The following DBNL variants were observed in gnomAD, a reference collection of about 807,000 sequenced individuals.
DBNL encodes the protein drebrin like.
In DBNL, 35 loss-of-function variants were observed where a neutral mutation model predicts 62.2. The ratio of observed to expected loss-of-function variants is 0.56; its 90% CI spans 0.43 to 0.75. The LOEUF (loss-of-function observed/expected upper bound fraction) is 0.75. DBNL is among the 30% of genes least tolerant of loss of function. The pLI, the probability that DBNL is intolerant of heterozygous loss-of-function variation, is 0.00. For missense variants in DBNL, 495 were observed against 578.4 expected, an observed-to-expected ratio of 0.86 and a Z score of 1.48; for synonymous variants, 197 against 218.0, an observed-to-expected ratio of 0.90 and a Z score of 0.85.
intron 7 of DBNL, 30 bp downstream of exon 7, chr7:44,058,310 G>T (rs756665569): frequency 1.9e-6 from 3 of 1,580,550 alleles, no homozygotes; most frequent in Non-Finnish European, 8.6e-7. Flanking sequence ...TGGCCTGGGG[G>T]ACCCACCCTG....
chr7:44,044,827 G>A lies in DBNL; in HGVS notation c.83+7G>A, dbSNP rs1447379705. ...AGAAGTCCCCGACCGACTGGTGGGC[G>A]GCGAGACGGGCCAGGGTCGGGCCAG... is the stretch of plus-strand genomic sequence containing the variant. On this transcript the variant is annotated splice_region_variant and intron_variant, in intron 1 of 12. Coordinates refer to ENST00000448521, the MANE Select transcript of DBNL (RefSeq NM_001014436.3). The A allele has an allele frequency of 4.8e-6, 7 of 1,468,218 alleles. No individual in the cohort carries two copies. The highest frequency in any genetic ancestry group is 6.3e-6 in the Non-Finnish European group (7 of 1,108,230). The allele number at this position is 1,468,218 out of a possible 1,614,324, so 90.9% of individuals were successfully genotyped here.
In DBNL at chr7:44,067,749, G is replaced by C. The variant is rs1015205829; in HGVS notation, c.*6833G>C. On this transcript the variant is annotated 3_prime_UTR_variant, in exon 13 of 13. Transcript: ENST00000448521. Reference sequence around the variant, plus strand: ...TCAACAAGGTGGTCCCAGGAAGGTGGAGGGAGCATCTTCCCATGTCTCTCC... The same window carrying C: ...TCAACAAGGTGGTCCCAGGAAGGTGCAGGGAGCATCTTCCCATGTCTCTCC... 6.6e-6 allele frequency: 1 copy of C among 152,252 alleles called. No individual in the cohort carries two copies. The highest frequency in any genetic ancestry group is 1.5e-5 in the Non-Finnish European group (1 of 68,074). 9.4% of individuals were successfully genotyped at this position (152,252 alleles called of 1,614,324 possible).
Position 44,058,239 on chromosome 7 carries a change from G to T in DBNL, c.663G>T (p.Glu221Asp), listed in dbSNP as rs749568803. The part of the protein sequence containing the change: ...ERELREAARR[E>D]QRYQEQGGEA... Reference sequence around the variant, plus strand: ...AGCTGCGTGAGGCTGCACGCCGGGAGCAGCGCTATCAGGAGCAGGGTGGCG... The same window carrying T: ...AGCTGCGTGAGGCTGCACGCCGGGATCAGCGCTATCAGGAGCAGGGTGGCG... The change falls in exon 7 of 13, where the codon GAG becomes GAT. Residue 221 changes from glutamate (E) to aspartate (D), a missense_variant. Transcript: ENST00000448521. 1 of 1,578,908 alleles carries T rather than the reference G, an allele frequency of 6.3e-7. No homozygotes were observed. The highest frequency in any genetic ancestry group is 8.6e-7 in the Non-Finnish European group (1 of 1,163,894).
At position 44,064,750 on chromosome 7, in the gene DBNL, G is replaced by T; in HGVS notation, c.*3834G>T. The T allele has an allele frequency of 1.6e-6, 2 of 1,238,540 alleles. No individual in the cohort carries two copies. Among genetic ancestry groups the T allele is most frequent in the Non-Finnish European group, 2.3e-6 (2 of 876,334 alleles). 76.7% of individuals were successfully genotyped at this position (1,238,540 alleles called of 1,614,324 possible). A position where few individuals can be genotyped will look rare whatever the true frequency, so the allele number is the denominator to read the frequency against. On this transcript the variant is annotated 3_prime_UTR_variant, in exon 13 of 13. Coordinates refer to ENST00000448521, the MANE Select transcript of DBNL (RefSeq NM_001014436.3). Reference sequence around the variant, plus strand: ...CCCACGCCTAGAAAGCCTGGTCCATGGGCGAGAGACTTTGCTGAGATGAGA... The same window carrying T: ...CCCACGCCTAGAAAGCCTGGTCCATTGGCGAGAGACTTTGCTGAGATGAGA...
intron 5 of DBNL, 23 bp downstream of exon 5, chr7:44,056,926 C>T (rs747858475): frequency 6.2e-7 from 1 of 1,612,682 alleles, no homozygotes; most frequent in Middle Eastern, 1.8e-4. Context: ...TGCCCATCGC[C>T]AGCCCTTTTG....
chr7:44,055,360 C>G (rs533787824), intron 4 of DBNL, among the ~76,000 whole-genome samples: 1 of 152,244 alleles, frequency 6.6e-6, no homozygotes, highest in African/African-American at 2.4e-5. Flanking sequence ...CCCAGCTACT[C>G]AGGAAGCTGA....
Position 44,052,254 on chromosome 7 carries a change from G to A in DBNL, c.252+312G>A, listed in dbSNP as rs2096127890. Among the ~76,000 whole-genome samples the A allele has an allele frequency of 2.0e-5, 3 of 152,076 alleles. No homozygotes were observed. The South Asian group carries it at 6.2e-4, about 32-fold the overall frequency. On this transcript the variant is annotated intron_variant, in intron 3 of 12. Transcript: ENST00000448521. ...TTCTGATGGAGTAGAGAGCCTGAGGGAGTGTTTAGGAGCCTGGGAGTACAG... is the reference window on the plus strand; with the variant it reads ...TTCTGATGGAGTAGAGAGCCTGAGGAAGTGTTTAGGAGCCTGGGAGTACAG...
At position 44,060,291 on chromosome 7, in the gene DBNL, T is replaced by C; in HGVS notation, c.1153+138T>C. On this transcript the variant is annotated intron_variant, in intron 12 of 12. Transcript: ENST00000448521. The surrounding 1 kb of genome is among the most constrained non-coding windows in gnomAD (Gnocchi z 6.3). ...GGAGGGTGGGCGGTGCGTTTAGGGG[T>C]AGAAGCACCTCTGGAGTGGGGGTGA... is the stretch of plus-strand genomic sequence containing the variant. The C allele has an allele frequency of 1.4e-6, 1 of 737,082 alleles. No homozygotes were observed. Among genetic ancestry groups the C allele is most frequent in the African/African-American group, 1.8e-5 (1 of 56,910 alleles). The allele number at this position is 737,082 out of a possible 1,614,324, so 45.7% of individuals were successfully genotyped here. A position where few individuals can be genotyped will look rare whatever the true frequency, so the allele number is the denominator to read the frequency against.
intron 4 of DBNL, among the ~76,000 whole-genome samples, chr7:44,054,096 C>T (rs1428482738): frequency 1.3e-5 from 2 of 152,186 alleles, no homozygotes; most frequent in Non-Finnish European, 2.9e-5. Flanking sequence ...TGAATGACGT[C>T]ATGGGTCTGG....
In DBNL at chr7:44,057,631, G is replaced by A. The variant is rs75735854; in HGVS notation, c.475-151G>A. Reference sequence around the variant, plus strand: ...CATCTTGGTGTGTGTCTCCTTGAGGGTCACTGGGCAGTGCTCTGCTGCCTC... The same window carrying A: ...CATCTTGGTGTGTGTCTCCTTGAGGATCACTGGGCAGTGCTCTGCTGCCTC... On this transcript the variant is annotated intron_variant, in intron 5 of 12. Coordinates refer to ENST00000448521, the MANE Select transcript of DBNL (RefSeq NM_001014436.3). 5,525 of 730,586 alleles carry A rather than the reference G, an allele frequency of 7.6e-3. 213 individuals carry two copies. In the African/African-American group the frequency reaches 0.087, roughly 11 times the overall value. The allele number at this position is 730,586 out of a possible 1,614,324, so 45.3% of individuals were successfully genotyped here.
chr7:44,058,504 T>C, intron 8 of DBNL, 24 bp downstream of exon 8: 1 of 1,613,330 alleles, frequency 6.2e-7, no homozygotes, highest in East Asian at 2.2e-5. Flanking sequence ...GCTCTACTTG[T>C]TTGGACCTGT....
At chr7:44,047,612 T>G (rs2096119627) in intron 1 of DBNL, among the ~76,000 whole-genome samples, 1 of 152,240 alleles carries the variant, frequency 6.6e-6, no homozygotes, top group South Asian at 2.1e-4. Flanking sequence ...TAGGGATTGT[T>G]CATAGCTGCA....
chr7:44,062,929 C>A lies in DBNL; in HGVS notation c.*2013C>A, dbSNP rs200712029. The A allele has an allele frequency of 6.2e-7, 1 of 1,614,214 alleles. No homozygotes were observed. The highest frequency in any genetic ancestry group is 2.2e-5 in the East Asian group (1 of 44,888). ...GCTCCATGATCGCCTGGTCTGACAT[C>A]CCTATGCCGGAAGGAATAGGTGTCC... On this transcript the variant is annotated 3_prime_UTR_variant, in exon 13 of 13. Coordinates refer to ENST00000448521, the MANE Select transcript of DBNL (RefSeq NM_001014436.3).
At chr7:44,049,512 A>C (rs1242043362) in intron 1 of DBNL, among the ~76,000 whole-genome samples, 1 of 152,188 alleles carries the variant, frequency 6.6e-6, no homozygotes, top group Non-Finnish European at 1.5e-5. Flanking sequence ...CCATGGCCCC[A>C]TGTCACCCAT....
Position 44,065,209 on chromosome 7 carries a change from G to T in DBNL, c.*4293G>T, listed in dbSNP as rs1425067807. 1 of 1,614,032 alleles carries T rather than the reference G, an allele frequency of 6.2e-7. No homozygotes were observed. Among genetic ancestry groups the T allele is most frequent in the Non-Finnish European group, 8.5e-7 (1 of 1,180,022 alleles). On this transcript the variant is annotated 3_prime_UTR_variant, in exon 13 of 13. Coordinates refer to ENST00000448521, the MANE Select transcript of DBNL (RefSeq NM_001014436.3). Reference sequence around the variant, plus strand: ...TCCAGATCTTCACCTGCTCCTCCCCGTGCTTGGCGGCCGTTTCTGCCTTGT... The same window carrying T: ...TCCAGATCTTCACCTGCTCCTCCCCTTGCTTGGCGGCCGTTTCTGCCTTGT...
rs912543676 is a variant in DBNL, at chr7:44,062,841, G to A, written c.*1925G>A. On this transcript the variant is annotated 3_prime_UTR_variant, in exon 13 of 13. Transcript: ENST00000448521. Reference sequence around the variant, plus strand: ...TCCTCATCACCCAGGAACTGCATGGGCTTGGTGGGCTTCAGCTCCTTGTTC... The same window carrying A: ...TCCTCATCACCCAGGAACTGCATGGACTTGGTGGGCTTCAGCTCCTTGTTC... The A allele has an allele frequency of 3.1e-6, 5 of 1,614,100 alleles. No homozygotes were observed. In the African/African-American group the frequency reaches 6.7e-5, roughly 22 times the overall value.
chr7:44,058,762 T>C, intron 8 of DBNL, 140 bp from the exon 9 acceptor site: 1 of 947,888 alleles, frequency 1.1e-6, no homozygotes, highest in Non-Finnish European at 1.6e-6. Context: ...AAATGACTTC[T>C]CTCCTGAGAA....
intron 1 of DBNL, 96 bp downstream of exon 1, chr7:44,044,916 G>A: frequency 8.0e-7 from 1 of 1,252,398 alleles, no homozygotes; most frequent in Non-Finnish European, 1.0e-6. Context: ...GGGAGCGCGA[G>A]CGCGGAGCGG....
intron 1 of DBNL, among the ~76,000 whole-genome samples, chr7:44,045,515 G>A (rs948970036): frequency 6.6e-6 from 1 of 152,206 alleles, no homozygotes; most frequent in Non-Finnish European, 1.5e-5. Flanking sequence ...TTTCCTCTTT[G>A]CTTAAATTGT....
Sources: gnomAD v4.1 joint callset for allele counts (sites outside exome capture counted in the v4.1 genomes callset) on GRCh38, gnomAD v4.1.1 for gene constraint, Gnocchi (gnomAD v3.1) non-coding constraint, MANE v1.5 for transcripts, NCBI Gene and HGNC (gene_info 2026-07-23, HGNC 2026-07-21) for gene names.